Variants in SOAT2 observed in about 807,000 individuals in gnomAD.
SOAT2 encodes ACAT-2.
SOAT2 carries 87 observed loss-of-function variants against 76.0 expected under a neutral mutation model. The observed-to-expected ratio is 1.14, with a 90% CI of 0.96 to 1.37. The LOEUF is 1.37. Ranked by LOEUF, SOAT2 falls within the 40% of genes most tolerant of loss-of-function variation. The probability of loss-of-function intolerance (pLI) is 0.00; values close to 1 mark genes in which losing one functional copy is unlikely to be tolerated. For missense variants in SOAT2, 686 were observed against 682.1 expected (o/e 1.01, Z -0.06); for synonymous variants, 285 against 275.4 (o/e 1.03, Z -0.34).
intron 12 of SOAT2, among the ~76,000 whole-genome samples, chr12:53,122,699 C>A (rs1272769509): frequency 2.6e-5 from 4 of 152,142 alleles, no homozygotes; most frequent in African/African-American, 9.7e-5. Context: ...TTTCTTAGTA[C>A]AGAACAAAAT....
chr12:53,109,230 C>A (rs1188731041), intron 5 of SOAT2, among the ~76,000 whole-genome samples: 1 of 151,950 alleles, frequency 6.6e-6, no homozygotes, highest in African/African-American at 2.4e-5. Context: ...GAGCGAGACT[C>A]CATCTAAATA....
intron 1 of SOAT2, 31 bp downstream of exon 1, chr12:53,103,690 A>G (rs919818417): frequency 6.8e-7 from 1 of 1,475,544 alleles, no homozygotes; most frequent in Admixed American, 2.3e-5. Context: ...CAGAAGGCAC[A>G]GGCAAGTGGG....
In SOAT2 at chr12:53,103,523, G is replaced by A. The variant is rs145637698; in HGVS notation, c.-55G>A. The A allele has an allele frequency of 9.2e-5, 136 of 1,478,392 alleles. No individual in the cohort carries two copies. The African/African-American group carries it at 1.2e-3, about 13-fold the overall frequency. 91.6% of individuals were successfully genotyped at this position (1,478,392 alleles called of 1,614,324 possible). On this transcript the variant is annotated 5_prime_UTR_variant, in exon 1 of 15. Transcript: ENST00000301466. ...AGCTCTACAGGGCAGGCCACACTGC[G>A]AAGGAAGGAGGCAACACGGGCAAGG...
intron 4 of SOAT2, 35 bp from the exon 5 acceptor site, chr12:53,105,872 C>T (rs376498738): frequency 1.5e-5 from 19 of 1,253,142 alleles, no homozygotes; most frequent in Non-Finnish European, 2.0e-5. Flanking sequence ...CCTGAGGACC[C>T]TCCCACACTG....
Position 53,119,219 on chromosome 12 carries a change from C to T in SOAT2, c.1005C>T (p.Ala335=). The part of the protein sequence containing the change: ...NMSREPFSTR[A]LVLSILHATL... ...GCCGAGAGCCCTTCAGCACCCGTGC[C>T]CTGGTGCTCTCTATCCTGCATGCCA... Residue 335 remains alanine, a synonymous_variant, in exon 10 of 15, where the codon GCC becomes GCT. Transcript: ENST00000301466. 6.2e-7 allele frequency: 1 copy of T among 1,614,130 alleles called. No homozygotes were observed. Among genetic ancestry groups the T allele is most frequent in the Non-Finnish European group, 8.5e-7 (1 of 1,180,004 alleles).
chr12:53,119,004 C>G, intron 9 of SOAT2, 69 bp downstream of exon 9: 2 of 1,610,618 alleles, frequency 1.2e-6, no homozygotes, highest in Non-Finnish European at 1.7e-6. Flanking sequence ...TCTGGGAGGC[C>G]TGGGGAGGCA....
chr12:53,124,046 T>C, intron 14 of SOAT2, 27 bp from the exon 15 acceptor site: 1 of 1,614,050 alleles, frequency 6.2e-7, no homozygotes, highest in African/African-American at 1.3e-5. Context: ...AATGATCTCA[T>C]TCACGACTTA....
chr12:53,104,532 C>G (rs994985634), intron 2 of SOAT2, among the ~76,000 whole-genome samples: 3 of 152,022 alleles, frequency 2.0e-5, no homozygotes. Flanking sequence ...CCTCGGCCTC[C>G]CAAAGTGCTG....
chr12:53,120,084 A>C (rs822684), intron 10 of SOAT2, among the ~76,000 whole-genome samples: 40,709 of 152,094 alleles, frequency 0.27, 8,233 homozygotes, highest in African/African-American at 0.57. Context: ...ACCTGTAATC[A>C]CAACACTTTG....
intron 5 of SOAT2, among the ~76,000 whole-genome samples, chr12:53,113,286 G>C (rs552926561): frequency 6.6e-6 from 1 of 152,292 alleles, no homozygotes. Context: ...GGCTTAACAA[G>C]CCCAATAGGA....
intron 7 of SOAT2, 124 bp downstream of exon 7, chr12:53,116,290 C>A: frequency 2.6e-6 from 2 of 775,522 alleles, no homozygotes; most frequent in Non-Finnish European, 4.3e-6. Context: ...CCAGGCACAG[C>A]CCTGGCATCC....
In SOAT2 at chr12:53,104,463, G is replaced by A. The variant is rs370366251; in HGVS notation, c.138+257G>A. ...TTTTTTTTATATTTTTAGTAGAGAC[G>A]GGGTTTCACCATATTGGCCAGGCTG... On this transcript the variant is annotated intron_variant, in intron 2 of 14. Coordinates refer to ENST00000301466, the MANE Select transcript of SOAT2 (RefSeq NM_003578.4). 1.6e-4 allele frequency among the ~76,000 whole-genome samples: 24 copies of A among 151,732 alleles called. No individual in the cohort carries two copies. The South Asian group carries it at 3.5e-3, about 22-fold the overall frequency.
rs117693384 is a variant in SOAT2, at chr12:53,121,230, G to A, written c.1138-73G>A. On this transcript the variant is annotated intron_variant, in intron 11 of 14. Coordinates refer to ENST00000301466, the MANE Select transcript of SOAT2 (RefSeq NM_003578.4). ...CACTGGGATAGGGTGCAGGCAGAGG[G>A]AGCAGTGGGGAGGAGCCGGAACCCA... 4.4e-3 allele frequency: 4,592 copies of A among 1,054,108 alleles called. 18 individuals carry two copies. Among genetic ancestry groups the A allele is most frequent in the Non-Finnish European group, 5.7e-3 (3,872 of 673,616 alleles). 65.3% of individuals were successfully genotyped at this position (1,054,108 alleles called of 1,614,324 possible).
intron 12 of SOAT2, among the ~76,000 whole-genome samples, chr12:53,122,333 A>C (rs1322178454): frequency 6.7e-6 from 1 of 150,128 alleles, no homozygotes. Context: ...TTAAACCCCA[A>C]ACTACCTTTT....
In SOAT2 at chr12:53,124,020, G is replaced by A. The variant is rs553500572; in HGVS notation, c.1519-53G>A. ...ATGGACTCTCACGTCTTGGATGCAT[G>A]GGTTGAGTCACCAGGAATGATCTCA... On this transcript the variant is annotated intron_variant, in intron 14 of 14. Coordinates refer to ENST00000301466, the MANE Select transcript of SOAT2 (RefSeq NM_003578.4). The A allele has an allele frequency of 3.1e-6, 5 of 1,610,654 alleles. No homozygotes were observed. In the African/African-American group the frequency reaches 4.0e-5, roughly 13 times the overall value.
chr12:53,105,371 TC>T (rs777421212), intron 3 of SOAT2, 128 bp downstream of exon 3: 26 of 1,303,926 alleles, frequency 2.0e-5, no homozygotes, highest in Non-Finnish European at 2.7e-5. Context: ...CCCCTTGTCT[TC>T]CTAACACTGA....
intron 9 of SOAT2, 92 bp from the exon 10 acceptor site, chr12:53,119,032 A>C: frequency 4.3e-6 from 7 of 1,609,786 alleles, no homozygotes; most frequent in Non-Finnish European, 5.9e-6. Context: ...GGTGATGCCA[A>C]GGGAAGAGAA....
chr12:53,123,044 G>A, intron 12 of SOAT2, 37 bp from the exon 13 acceptor site: 1 of 1,576,682 alleles, frequency 6.3e-7, no homozygotes, highest in South Asian at 1.2e-5. Context: ...AGGAGCTCAG[G>A]GAGACTTACT....
At chr12:53,106,392 G>A (rs571515865) in intron 5 of SOAT2, among the ~76,000 whole-genome samples, 13 of 152,234 alleles carry the variant, frequency 8.5e-5, no homozygotes, top group Non-Finnish European at 1.6e-4. Context: ...AGAGAAATGA[G>A]GGGGGCAGAC....
Sources: allele counts gnomAD v4.1 joint callset (sites outside exome capture counted in the v4.1 genomes callset), GRCh38; gene constraint gnomAD v4.1.1; transcripts MANE v1.5; gene names NCBI Gene and HGNC (gene_info 2026-07-23, HGNC 2026-07-21).